The following GALNT13 variants were observed in gnomAD, a reference collection of about 807,000 sequenced individuals.
The protein encoded by GALNT13 is UDP-GalNAc:polypeptide N-acetylgalactosaminyltransferase 13.
In GALNT13, 28 loss-of-function variants were observed where a neutral mutation model predicts 64.2. That is an observed-to-expected ratio of 0.44 (90% CI 0.32 to 0.60). GALNT13 has a LOEUF of 0.60. Among genes scored for constraint, GALNT13 ranks in the 20% least tolerant of loss-of-function variants. The pLI is 0.05. For missense variants in GALNT13, 577 were observed against 669.8 expected, an observed-to-expected ratio of 0.86 and a Z score of 1.53; for synonymous variants, 214 against 224.6, an observed-to-expected ratio of 0.95 and a Z score of 0.42.
the GALNT13 span, among the ~76,000 whole-genome samples, chr2:153,380,246 C>T: frequency 6.6e-6 from 1 of 152,120 alleles, no homozygotes; most frequent in Admixed American, 6.6e-5. Context: ...TCAAACAGTA[C>T]ACTCTAAGAA....
intron 4 of GALNT13, among the ~76,000 whole-genome samples, chr2:154,217,476 A>C (rs976436824): frequency 6.6e-6 from 1 of 152,136 alleles, no homozygotes; most frequent in Non-Finnish European, 1.5e-5. Context: ...TTTATGTATC[A>C]TATGTTCTAT....
At chr2:154,234,919 A>T (rs1038725460) in intron 4 of GALNT13, among the ~76,000 whole-genome samples, 3 of 152,142 alleles carry the variant, frequency 2.0e-5, no homozygotes, top group African/African-American at 7.2e-5. Context: ...GAAAGAGTAT[A>T]AAAAAGTAAA....
the GALNT13 span, among the ~76,000 whole-genome samples, chr2:153,699,430 C>T: frequency 6.6e-6 from 1 of 151,816 alleles, no homozygotes; most frequent in African/African-American, 2.4e-5. Flanking sequence ...ATTGAAAGAA[C>T]TAGAGAAGCA....
chr2:154,138,573 T>TAAA lies in GALNT13; in HGVS notation c.143-1750_143-1748dup, dbSNP rs34134880. Among the ~76,000 whole-genome samples the TAAA allele has an allele frequency of 2.9e-5, 4 of 138,210 alleles. No individual in the cohort carries two copies. In the East Asian group the frequency reaches 8.5e-4, roughly 29 times the overall value. 90.7% of individuals were successfully genotyped at this position (138,210 alleles called of 152,430 possible). On this transcript the variant is annotated intron_variant, in intron 3 of 12. Transcript: ENST00000392825. The stretch of plus-strand genomic sequence containing the variant: ...ATTAAAGTTACAGTCCAAGATATGT[T>TAAA]AAAAAAAAAAAAAAAACCTAAACTG...
chr2:153,936,934 G>C (rs1466259916), intron 2 of GALNT13, among the ~76,000 whole-genome samples: 2 of 151,982 alleles, frequency 1.3e-5, no homozygotes, highest in East Asian at 1.9e-4. Flanking sequence ...AGCCAGGATG[G>C]TCTCAATCTC....
chr2:153,422,740 C>T, the GALNT13 span, among the ~76,000 whole-genome samples: 6 of 151,950 alleles, frequency 3.9e-5, no homozygotes, highest in African/African-American at 1.4e-4. Context: ...GAAAAAAATA[C>T]ACTTTACAGA....
At chr2:153,666,056 A>C in the GALNT13 span, among the ~76,000 whole-genome samples, 1 of 152,102 alleles carries the variant, frequency 6.6e-6, no homozygotes, top group African/African-American at 2.4e-5. Context: ...ACACCCCTCT[A>C]TCTGACAGGC....
chr2:154,022,733 C>T (rs908773919), intron 3 of GALNT13, among the ~76,000 whole-genome samples: 1 of 151,970 alleles, frequency 6.6e-6, no homozygotes, highest in Admixed American at 6.6e-5. Context: ...CTTGCCTTCT[C>T]CTAGCTTCTG....
intron 3 of GALNT13, among the ~76,000 whole-genome samples, chr2:153,948,568 C>A (rs11688524): frequency 0.19 from 28,288 of 152,054 alleles, 3,368 homozygotes; most frequent in Non-Finnish European, 0.26. Flanking sequence ...ATGTTCATTG[C>A]AACACTATTC....
chr2:153,565,083 C>A, the GALNT13 span, among the ~76,000 whole-genome samples: 1 of 152,138 alleles, frequency 6.6e-6, no homozygotes, highest in African/African-American at 2.4e-5. Context: ...CATGGGAAAG[C>A]TGAAGTGGAG....
chr2:154,419,977 A>G (rs1330939407), intron 11 of GALNT13, among the ~76,000 whole-genome samples: 1 of 152,168 alleles, frequency 6.6e-6, no homozygotes, highest in African/African-American at 2.4e-5. Flanking sequence ...AAACATTAAA[A>G]TGATATTCTG....
At chr2:153,816,434 G>T in the GALNT13 span, among the ~76,000 whole-genome samples, 1 of 152,130 alleles carries the variant, frequency 6.6e-6, no homozygotes, top group Admixed American at 6.5e-5. Flanking sequence ...AAATAGTGGG[G>T]AAGGGCAGTT....
At chr2:153,235,777 G>T in the GALNT13 span, among the ~76,000 whole-genome samples, 1 of 152,028 alleles carries the variant, frequency 6.6e-6, no homozygotes, top group African/African-American at 2.4e-5. Flanking sequence ...TTTAAGGGAG[G>T]CTATGACCAC....
chr2:153,496,588 A>G, the GALNT13 span, among the ~76,000 whole-genome samples: 1 of 152,232 alleles, frequency 6.6e-6, no homozygotes, highest in Non-Finnish European at 1.5e-5. Context: ...TCTATAAAAT[A>G]TTAACAGCCA....
chr2:154,127,903 T>C (rs1486961356), intron 3 of GALNT13, among the ~76,000 whole-genome samples: 1 of 151,866 alleles, frequency 6.6e-6, no homozygotes, highest in Non-Finnish European at 1.5e-5. Flanking sequence ...GGTAAAATTT[T>C]AAGGATTTTA....
intron 11 of GALNT13, among the ~76,000 whole-genome samples, chr2:154,428,574 CTT>C (rs1215296003): frequency 6.6e-6 from 1 of 152,090 alleles, no homozygotes; most frequent in Non-Finnish European, 1.5e-5. Context: ...TTTTATTACT[CTT>C]TGCTTTATTG....
At chr2:154,252,768 TAGATA>T (rs1003241599) in intron 7 of GALNT13, among the ~76,000 whole-genome samples, 2 of 149,596 alleles carry the variant, frequency 1.3e-5, no homozygotes, top group Non-Finnish European at 3.0e-5. Flanking sequence ...GATAGATAGA[TAGATA>T]GATAGATAAT....
chr2:154,215,980 GA>G (rs1386134109), intron 4 of GALNT13, among the ~76,000 whole-genome samples: 8 of 151,496 alleles, frequency 5.3e-5, no homozygotes, highest in Non-Finnish European at 1.0e-4. Context: ...ATATTTATAT[GA>G]AAAAAGATTA....
the GALNT13 span, among the ~76,000 whole-genome samples, chr2:153,157,367 C>T: frequency 2.6e-5 from 4 of 152,216 alleles, no homozygotes; most frequent in Non-Finnish European, 5.9e-5. Context: ...AGCTTCCTTT[C>T]TATCCTCTAG....
Sources: gnomAD v4.1 joint callset for allele counts (sites outside exome capture counted in the v4.1 genomes callset) on GRCh38, gnomAD v4.1.1 for gene constraint, MANE v1.5 for transcripts, NCBI Gene and HGNC (gene_info 2026-07-23, HGNC 2026-07-21) for gene names.